The following SULF1 variants were observed in gnomAD, a reference collection of about 807,000 sequenced individuals.
SULF1 encodes the protein extracellular sulfatase Sulf-1.
In SULF1, 46 loss-of-function variants were observed where a neutral mutation model predicts 110.5. The observed-to-expected ratio is 0.42, with a 90% confidence interval of 0.33 to 0.53. The LOEUF (loss-of-function observed/expected upper bound fraction) is 0.53, where lower values mean the gene tolerates loss of function less well. Among genes scored for constraint, SULF1 ranks in the 20% least tolerant of loss-of-function variants. SULF1 has a pLI of 0.12. For missense variants in SULF1, 941 were observed against 1,094.2 expected (o/e 0.86, Z 1.98); for synonymous variants, 371 against 387.1 (o/e 0.96, Z 0.49).
chr8:69,566,522 C>A (rs1339370360), intron 5 of SULF1, among the ~76,000 whole-genome samples: 1 of 152,174 alleles, frequency 6.6e-6, no homozygotes, highest in Admixed American at 6.5e-5. Context: ...GCCTTTAACT[C>A]CTTCCTTGAT....
intron 22 of SULF1, among the ~76,000 whole-genome samples, chr8:69,652,943 T>G (rs1454640636): frequency 2.6e-5 from 4 of 152,234 alleles, no homozygotes; most frequent in African/African-American, 9.6e-5. Flanking sequence ...TCAATTAAAC[T>G]CTGTTAAACT....
intron 3 of SULF1, among the ~76,000 whole-genome samples, chr8:69,549,881 C>T (rs556235188): frequency 6.6e-6 from 1 of 152,132 alleles, no homozygotes; most frequent in South Asian, 2.1e-4. Context: ...TCATTTTTAA[C>T]CATGCCAGTG....
intron 22 of SULF1, among the ~76,000 whole-genome samples, chr8:69,646,080 C>A (rs4279601): frequency 0.46 from 69,405 of 151,876 alleles, 16,440 homozygotes; most frequent in South Asian, 0.59. Context: ...AACTGGGACC[C>A]TCCCAGGCAA....
At chr8:69,655,716 T>A (rs1240009426) in intron 22 of SULF1, among the ~76,000 whole-genome samples, 2 of 152,212 alleles carry the variant, frequency 1.3e-5, no homozygotes, top group African/African-American at 2.4e-5. Flanking sequence ...TCTAAATCCC[T>A]GTTATCTTAT....
chr8:69,489,571 CTTTTTTTTT>C (rs61391745), upstream of SULF1, among the ~76,000 whole-genome samples: 4 of 91,960 alleles, frequency 4.3e-5, no homozygotes, highest in Non-Finnish European at 8.1e-5. Context: ...CTTTCTTTCT[CTTTTTTTTT>C]TTTTTTTTTT....
chr8:69,633,780 C>T lies in SULF1; in HGVS notation c.2284+4101C>T, dbSNP rs561100426. 2.0e-5 allele frequency among the ~76,000 whole-genome samples: 3 copies of T among 152,148 alleles called. No homozygotes were observed. The East Asian group carries it at 5.8e-4, about 29-fold the overall frequency. On this transcript the variant is annotated intron_variant, in intron 19 of 22. Coordinates refer to ENST00000402687, the MANE Select transcript of SULF1 (RefSeq NM_001128205.2). Reference sequence around the variant, plus strand: ...GCTGCACCCATCAACCCGTCATCTACGTTAGGTATTTTTTAATGCCACCAT... The same window carrying T: ...GCTGCACCCATCAACCCGTCATCTATGTTAGGTATTTTTTAATGCCACCAT...
At chr8:69,524,079 A>C (rs1812504882) in intron 3 of SULF1, among the ~76,000 whole-genome samples, 1 of 152,134 alleles carries the variant, frequency 6.6e-6, no homozygotes, top group South Asian at 2.1e-4. Context: ...GGGAAGTAGT[A>C]GGCTATGTAA....
In SULF1 at chr8:69,584,334, C is replaced by T. The variant is rs150900028; in HGVS notation, c.413-2023C>T. On this transcript the variant is annotated intron_variant, in intron 6 of 22. Transcript: ENST00000402687. The stretch of plus-strand genomic sequence containing the variant: ...GGTGGCAACTGCCCAGCAAGGGGAG[C>T]GCAGGAGCAGGCGAAAGCAGAGGGG... 9.8e-3 allele frequency: 1,503 copies of T among 152,768 alleles called. 17 individuals carry two copies. The highest frequency in any genetic ancestry group is 0.013 in the Non-Finnish European group (864 of 68,374). 9.5% of individuals were successfully genotyped at this position (152,768 alleles called of 1,614,324 possible).
chr8:69,598,017 T>C (rs575936925), intron 8 of SULF1, among the ~76,000 whole-genome samples: 1 of 151,776 alleles, frequency 6.6e-6, no homozygotes, highest in Non-Finnish European at 1.5e-5. Flanking sequence ...TAACGCAACA[T>C]GCTGCATGAA....
At chr8:69,593,136 A>G (rs1027066424) in intron 8 of SULF1, among the ~76,000 whole-genome samples, 2 of 152,164 alleles carry the variant, frequency 1.3e-5, no homozygotes, top group Admixed American at 6.5e-5. Context: ...AATTCCTGGC[A>G]TCTTTGCTGT....
chr8:69,609,519 A>G (rs1321559852), intron 13 of SULF1, among the ~76,000 whole-genome samples: 1 of 152,202 alleles, frequency 6.6e-6, no homozygotes, highest in East Asian at 1.9e-4. Flanking sequence ...AGAGAATATC[A>G]AAGTTTGAAG....
intron 8 of SULF1, 34 bp from the exon 9 acceptor site, chr8:69,600,569 A>G (rs748554832): frequency 7.7e-6 from 12 of 1,566,884 alleles, no homozygotes; most frequent in East Asian, 2.3e-5. Flanking sequence ...TAAGTAAGAA[A>G]TATATAGTAA....
intron 16 of SULF1, 88 bp downstream of exon 16, chr8:69,627,394 A>G: frequency 1.1e-6 from 1 of 879,480 alleles, no homozygotes; most frequent in Non-Finnish European, 1.9e-6. Flanking sequence ...CATACCACAG[A>G]TACACATCAT....
chr8:69,491,060 G>A (rs547477964), upstream of SULF1, among the ~76,000 whole-genome samples: 1 of 152,256 alleles, frequency 6.6e-6, no homozygotes, highest in Non-Finnish European at 1.5e-5. Flanking sequence ...GTAGAGGGGG[G>A]AAAATTCTTC....
rs1813972128 is a variant in SULF1, at chr8:69,543,088, C to T, written c.-133-20451C>T. On this transcript the variant is annotated intron_variant, in intron 3 of 22. Transcript: ENST00000402687. ...GTGAGATAGAGATTTAGCAACCATCCAATTAATGCTTCTTATTGATCAAAT... is the reference window on the plus strand; with the variant it reads ...GTGAGATAGAGATTTAGCAACCATCTAATTAATGCTTCTTATTGATCAAAT... 2.6e-5 allele frequency among the ~76,000 whole-genome samples: 4 copies of T among 152,198 alleles called. No individual in the cohort carries two copies. In the South Asian group the frequency reaches 8.3e-4, roughly 32 times the overall value.
chr8:69,572,319 G>A (rs907423497), intron 5 of SULF1, among the ~76,000 whole-genome samples: 2 of 152,124 alleles, frequency 1.3e-5, no homozygotes, highest in Admixed American at 6.5e-5. Flanking sequence ...GTGGCCCTAG[G>A]CACAGCATGA....
chr8:69,547,121 G>T (rs890886229), intron 3 of SULF1, among the ~76,000 whole-genome samples: 1 of 152,110 alleles, frequency 6.6e-6, no homozygotes, highest in Non-Finnish European at 1.5e-5. Flanking sequence ...TACCAGCCTT[G>T]GAGTCAGAAG....
chr8:69,476,001 C>T (rs953328054), intron 1 of SULF1, among the ~76,000 whole-genome samples: 2 of 152,160 alleles, frequency 1.3e-5, no homozygotes, highest in Non-Finnish European at 2.9e-5. Flanking sequence ...TACTCAACTA[C>T]ATCTGCATAA....
chr8:69,644,696 G>A (rs1225964716), intron 22 of SULF1, among the ~76,000 whole-genome samples: 1 of 150,830 alleles, frequency 6.6e-6, no homozygotes, highest in African/African-American at 2.5e-5. Context: ...GGGAGGCGGA[G>A]CTTGCAGTGA....
Sources: gnomAD v4.1 joint callset for allele counts (sites outside exome capture counted in the v4.1 genomes callset) on GRCh38, gnomAD v4.1.1 for gene constraint, MANE v1.5 for transcripts, NCBI Gene and HGNC (gene_info 2026-07-23, HGNC 2026-07-21) for gene names.